The following RMC1 variants were observed in gnomAD, a reference collection of about 807,000 sequenced individuals.
The protein encoded by RMC1 is regulator of MON1-CCZ1 complex.
Under a neutral mutation model 95.5 loss-of-function variants are expected in RMC1, and 44 were observed. The observed-to-expected ratio is 0.46, with a 90% CI of 0.36 to 0.59. RMC1 has a LOEUF of 0.59. Among genes scored for constraint, RMC1 ranks in the 20% least tolerant of loss-of-function variants. The pLI is 0.00. For synonymous variants in RMC1, 320 were observed against 303.6 expected, an observed-to-expected ratio of 1.05 and a Z score of -0.56; for missense variants, 705 against 819.6, an observed-to-expected ratio of 0.86 and a Z score of 1.71.
In RMC1 at chr18:23,524,101, C is replaced by T. The variant is rs531155366; in HGVS notation, c.962-29C>T. 2.1e-5 allele frequency: 34 copies of T among 1,613,164 alleles called. No individual in the cohort carries two copies. The Admixed American group carries it at 2.2e-4, about 10-fold the overall frequency. On this transcript the variant is annotated intron_variant, in intron 10 of 19. Transcript: ENST00000269221. ...CATTTGCAGCATTTTCTGACTGCATCGTTGCACTTATGTTTTCTCAATTTG... is the reference window on the plus strand; with the variant it reads ...CATTTGCAGCATTTTCTGACTGCATTGTTGCACTTATGTTTTCTCAATTTG...
At chr18:23,520,008 T>A (rs906745759) in intron 9 of RMC1, among the ~76,000 whole-genome samples, 194 bp from the exon 10 acceptor site, 1 of 152,172 alleles carries the variant, frequency 6.6e-6, no homozygotes, top group African/African-American at 2.4e-5. Context: ...GAAATACTTG[T>A]GAGAGGAGAT....
At chr18:23,525,228 G>A (rs1028838948) in intron 12 of RMC1, among the ~76,000 whole-genome samples, 1 of 151,944 alleles carries the variant, frequency 6.6e-6, no homozygotes, top group African/African-American at 2.4e-5. Context: ...TTACAGGCAT[G>A]AGCCACTGTG....
At position 23,530,285 on chromosome 18, in the gene RMC1, G is replaced by A. The variant is rs959241338; in HGVS notation, c.1656G>A (p.Leu552=). 6 of 1,614,080 alleles carry A rather than the reference G, an allele frequency of 3.7e-6. No homozygotes were observed. The highest frequency in any genetic ancestry group is 1.1e-5 in the South Asian group (1 of 91,088). Residue 552 remains leucine (L), a synonymous_variant, in exon 18 of 20, where the codon CTG becomes CTA. Coordinates refer to ENST00000269221, the MANE Select transcript of RMC1 (RefSeq NM_013326.5). ...ATCCTCCTGCTCATCAGCTATCTCT[G>A]GACATGCTGAAGGTAACTCTGATGT... is the stretch of plus-strand genomic sequence containing the variant. ...SFYPPAHQLS[L]DMLKRLSTAN...
chr18:23,516,387 C>A lies in RMC1; in HGVS notation c.617C>A (p.Pro206His), dbSNP rs201270524. ...CCAGCTGCGCCTAAGTCAACTAAAC[C>A]CAGCCTTTCCGAAAGAGACATCGCA... The part of the protein sequence containing the change: ...ELPAAPKSTK[P>H]SLSERDIAMA... The change falls in exon 7 of 20, where the codon CCC becomes CAC. Residue 206 changes from proline (P) to histidine (H), a missense_variant. By Grantham distance (77) the Pro-to-His change is moderately conservative. Transcript: ENST00000269221. 6.2e-7 allele frequency: 1 copy of A among 1,614,216 alleles called. No individual in the cohort carries two copies. The highest frequency in any genetic ancestry group is 8.5e-7 in the Non-Finnish European group (1 of 1,180,032).
chr18:23,526,609 GT>G (rs754392283), intron 12 of RMC1, 27 bp from the exon 13 acceptor site: 2 of 1,611,862 alleles, frequency 1.2e-6, no homozygotes, highest in Admixed American at 3.3e-5. Flanking sequence ...GCATCATACT[GT>G]TTTATTTGCT....
chr18:23,529,901 C>T (rs1045924194), intron 16 of RMC1, 127 bp from the exon 17 acceptor site: 12 of 1,086,522 alleles, frequency 1.1e-5, no homozygotes, highest in Admixed American at 4.1e-5. Flanking sequence ...ACCTGCATGA[C>T]GAAACCACTT....
intron 2 of RMC1, chr18:23,506,725 T>C (rs547295982): frequency 1.0e-5 from 4 of 381,166 alleles, no homozygotes; most frequent in East Asian, 6.4e-5. Context: ...TCAGGTGATA[T>C]GTGTGTGTGA....
chr18:23,508,526 G>A (rs2145138107), intron 4 of RMC1: 1 of 152,724 alleles, frequency 6.5e-6, no homozygotes, highest in South Asian at 2.1e-4. Flanking sequence ...TTTGCTGGGT[G>A]TAGTAAACTA....
chr18:23,529,472 A>G (rs1228591356), intron 15 of RMC1, 163 bp from the exon 16 acceptor site: 3 of 1,258,012 alleles, frequency 2.4e-6, no homozygotes, highest in Non-Finnish European at 3.3e-6. Context: ...GGCCTAAAGC[A>G]TAATTGTTGA....
At chr18:23,516,738 T>TA (rs1469807255) in intron 7 of RMC1, among the ~76,000 whole-genome samples, 3 of 151,882 alleles carry the variant, frequency 2.0e-5, no homozygotes, top group Non-Finnish European at 4.4e-5. Context: ...TTTTTTTTTT[T>TA]TTTTCGAGAC....
At chr18:23,522,218 G>C (rs911057763) in intron 10 of RMC1, 2 of 152,196 alleles carry the variant, frequency 1.3e-5, no homozygotes, top group East Asian at 1.9e-4. Context: ...AGGTCTTTTG[G>C]CTTTCTGTGT....
chr18:23,524,569 A>T, intron 12 of RMC1, 87 bp downstream of exon 12: 1 of 1,387,616 alleles, frequency 7.2e-7, no homozygotes, highest in Non-Finnish European at 1.0e-6. Context: ...TTTCAAGGTG[A>T]ATCTCTTAGA....
In RMC1 at chr18:23,531,415, G is replaced by C; in HGVS notation, c.1895-210G>C. On this transcript the variant is annotated intron_variant, in intron 19 of 19. Transcript: ENST00000269221. ...CTAGCTCAATGTAAGACGGCATTTA[G>C]TTACCATAAGGACAGGTTAGATAGA... is the stretch of plus-strand genomic sequence containing the variant. 5.9e-6 allele frequency: 6 copies of C among 1,015,952 alleles called. No individual in the cohort carries two copies. In the South Asian group the frequency reaches 1.3e-4, roughly 22 times the overall value. 62.9% of individuals were successfully genotyped at this position (1,015,952 alleles called of 1,614,324 possible).
At chr18:23,525,188 C>T (rs536272037) in intron 12 of RMC1, among the ~76,000 whole-genome samples, 3 of 151,862 alleles carry the variant, frequency 2.0e-5, no homozygotes, top group South Asian at 4.2e-4. Context: ...TCAGGTGATC[C>T]GCCTGCCTCG....
intron 7 of RMC1, 88 bp downstream of exon 7, chr18:23,516,511 G>A: frequency 7.4e-7 from 1 of 1,347,452 alleles, no homozygotes; most frequent in Non-Finnish European, 1.1e-6. Context: ...ACCACGTGAT[G>A]CCCTGACCCC....
chr18:23,524,559 T>A, intron 12 of RMC1, 77 bp downstream of exon 12: 1 of 1,476,644 alleles, frequency 6.8e-7, no homozygotes, highest in Non-Finnish European at 9.5e-7. Context: ...CCAGGGACGT[T>A]TTCAAGGTGA....
intron 7 of RMC1, among the ~76,000 whole-genome samples, chr18:23,517,367 C>T (rs1483810998): frequency 6.6e-6 from 1 of 152,132 alleles, no homozygotes; most frequent in East Asian, 1.9e-4. Context: ...CCAGGGTGGT[C>T]TCGGTCTCTT....
intron 2 of RMC1, 199 bp downstream of exon 2, chr18:23,504,646 CA>C (rs1442648789): frequency 4.1e-6 from 2 of 485,344 alleles, no homozygotes; most frequent in Non-Finnish European, 7.5e-6. Context: ...ATATCTGGAG[CA>C]GTTGATTTGG....
At chr18:23,520,179 A>G (rs915810685) in intron 9 of RMC1, 23 bp from the exon 10 acceptor site, 1 of 1,583,186 alleles carries the variant, frequency 6.3e-7, no homozygotes. Context: ...TTTTGGCCTC[A>G]GTCTTGTCTT....
Sources: allele counts gnomAD v4.1 joint callset (sites outside exome capture counted in the v4.1 genomes callset), GRCh38; gene constraint gnomAD v4.1.1; transcripts MANE v1.5; gene names NCBI Gene and HGNC (gene_info 2026-07-23, HGNC 2026-07-21).